NOX1: variants seen among roughly 807,000 people sequenced by gnomAD.
The protein encoded by NOX1 is NADH/NADPH mitogenic oxidase subunit P65-MOX.
In NOX1, 34 loss-of-function variants were observed where a neutral mutation model predicts 42.5. The ratio of observed to expected loss-of-function variants is 0.80; its 90% CI spans 0.61 to 1.07. NOX1 has a LOEUF of 1.07. NOX1 is among the 50% of genes least tolerant of loss of function. The probability of loss-of-function intolerance (pLI) is 0.00; values close to 1 mark genes in which losing one functional copy is unlikely to be tolerated. For synonymous variants in NOX1, 143 were observed against 152.5 expected, an observed-to-expected ratio of 0.94 and a Z score of 0.46; for missense variants, 408 against 427.0, an observed-to-expected ratio of 0.96 and a Z score of 0.39.
intron 12 of NOX1, among the ~76,000 whole-genome samples, chrX:100,844,400 A>G (rs2085058205): frequency 9.0e-6 from 1 of 111,185 alleles, no homozygotes; most frequent in African/African-American, 3.3e-5. Context: ...CATTTATCCC[A>G]CCTGTGGGAC....
intron 2 of NOX1, among the ~76,000 whole-genome samples, chrX:100,866,221 CA>C (rs34462542): frequency 0.016 from 1,162 of 72,658 alleles, 13 homozygotes; most frequent in African/African-American, 0.052. Context: ...GACTCCATCT[CA>C]AAAAAAAAAA....
At chrX:100,855,094 T>G (rs1261053821) in intron 7 of NOX1, among the ~76,000 whole-genome samples, 1 of 112,367 alleles carries the variant, frequency 8.9e-6, no homozygotes, top group African/African-American at 3.2e-5. Flanking sequence ...TAAAATAACC[T>G]GTTATACAAT....
intron 7 of NOX1, among the ~76,000 whole-genome samples, chrX:100,860,781 T>G (rs749042164): frequency 3.6e-5 from 4 of 111,858 alleles, no homozygotes; most frequent in African/African-American, 6.5e-5. Flanking sequence ...TTGTTTATTT[T>G]GACACAGGAT....
chrX:100,862,776 TG>T lies in NOX1; in HGVS notation c.381del (p.Ser127ArgfsTer29). On this transcript the variant is annotated frameshift_variant, in exon 5 of 13. Coordinates refer to ENST00000372966, the MANE Select transcript of NOX1 (RefSeq NM_007052.5). LOFTEE classifies it high-confidence loss of function. The part of the protein sequence containing the change: ...IAHLFNFDCY[S>X]RSRQATDGSL... Reference sequence around the variant, plus strand: ...GAGCCATCTGTGGCCTGTCGGCTTCTGCTATAGCAGTCAAAGTTAAACAGGT... The same window carrying T: ...GAGCCATCTGTGGCCTGTCGGCTTCTCTATAGCAGTCAAAGTTAAACAGGT... 1 of 1,198,628 alleles carries T rather than the reference TG, an allele frequency of 8.3e-7. No individual in the cohort carries two copies.
intron 11 of NOX1, among the ~76,000 whole-genome samples, 191 bp downstream of exon 11, chrX:100,849,089 A>G (rs1277337573): frequency 1.9e-5 from 1 of 51,428 alleles, no homozygotes; most frequent in Non-Finnish European, 3.3e-5. Flanking sequence ...AAAGAAAAAA[A>G]AAAGAAGAAA....
intron 7 of NOX1, among the ~76,000 whole-genome samples, chrX:100,854,013 C>T (rs1469500133): frequency 9.0e-5 from 10 of 111,082 alleles, no homozygotes; most frequent in East Asian, 2.9e-4. Context: ...CGTGGTGGTG[C>T]GCGCCTGTAG....
At chrX:100,865,161 T>A (rs962134812) in intron 2 of NOX1, among the ~76,000 whole-genome samples, 6 of 112,037 alleles carry the variant, frequency 5.4e-5, no homozygotes, top group African/African-American at 1.9e-4. Flanking sequence ...CTCTGCTGAC[T>A]CACACCCTGA....
At chrX:100,857,151 A>T (rs775600607) in intron 7 of NOX1, among the ~76,000 whole-genome samples, 6 of 111,989 alleles carry the variant, frequency 5.4e-5, no homozygotes, top group African/African-American at 6.5e-5. Context: ...CTGTTTCTAC[A>T]TTAGTTTGCT....
chrX:100,868,709 A>G (rs181132339), intron 2 of NOX1, among the ~76,000 whole-genome samples: 42 of 110,000 alleles, frequency 3.8e-4, no homozygotes, highest in African/African-American at 1.3e-3. Context: ...TTTCTTTTTT[A>G]CTTTCCTTTT....
intron 4 of NOX1, 142 bp downstream of exon 4, chrX:100,863,017 C>A: frequency 1.6e-6 from 1 of 610,671 alleles, no homozygotes; most frequent in East Asian, 3.3e-5. Context: ...AACTTAAGCT[C>A]CATGAAAACA....
chrX:100,867,318 CA>C (rs1183704354), intron 2 of NOX1, among the ~76,000 whole-genome samples: 1 of 112,103 alleles, frequency 8.9e-6, no homozygotes, highest in African/African-American at 3.2e-5. Flanking sequence ...CAGCGCCTGG[CA>C]AAAAAATGTT....
intron 1 of NOX1, among the ~76,000 whole-genome samples, chrX:100,872,427 C>A (rs1369290567): frequency 8.9e-6 from 1 of 111,804 alleles, no homozygotes; most frequent in East Asian, 2.8e-4. Flanking sequence ...TCATTTCCTC[C>A]ACTATGAACG....
At chrX:100,869,515 T>A (rs1312481033) in intron 2 of NOX1, among the ~76,000 whole-genome samples, 3 of 110,781 alleles carry the variant, frequency 2.7e-5, no homozygotes, top group Non-Finnish European at 5.7e-5. Flanking sequence ...TGATTTTGTA[T>A]CCTGAGACTT....
intron 1 of NOX1, among the ~76,000 whole-genome samples, chrX:100,873,075 T>TCC (rs1161282566): frequency 7.3e-5 from 8 of 109,260 alleles, no homozygotes; most frequent in Non-Finnish European, 1.5e-4. Flanking sequence ...AAAAGAAGCA[T>TCC]CACACCTTCT....
rs781319621 is a variant in NOX1 at position 100,862,171 on chromosome X, C to T, written c.804G>A (p.Glu268=). 1.7e-4 allele frequency: 205 copies of T among 1,210,298 alleles called. No homozygotes were observed. The highest frequency in any genetic ancestry group is 2.2e-4 in the Non-Finnish European group (196 of 895,243). Residue 268 remains glutamate (E), a splice_region_variant and synonymous_variant, in exon 7 of 13, where the codon GAG becomes GAA. Coordinates refer to ENST00000372966, the MANE Select transcript of NOX1 (RefSeq NM_007052.5). Reference sequence around the variant, plus strand: ...CTGTCCTTGCCCGTAGGGCTCTTACCTCAGGGGGATGCCCTTCAAACTTAG... The same window carrying T: ...CTGTCCTTGCCCGTAGGGCTCTTACTTCAGGGGGATGCCCTTCAAACTTAG... ...RRPKFEGHPP[E]SWKWILAPVI...
chrX:100,845,850 C>G (rs1170037616), intron 12 of NOX1, among the ~76,000 whole-genome samples: 1 of 106,141 alleles, frequency 9.4e-6, no homozygotes, highest in African/African-American at 3.5e-5. Context: ...GTGGCACGAT[C>G]TTGGCTCACT....
chrX:100,871,595 T>G (rs1295581365), intron 1 of NOX1, among the ~76,000 whole-genome samples: 1 of 112,276 alleles, frequency 8.9e-6, no homozygotes, highest in Non-Finnish European at 1.9e-5. Flanking sequence ...TTAAGACTGC[T>G]TTTGCCTGTT....
chrX:100,864,542 A>C (rs745747833), intron 2 of NOX1, among the ~76,000 whole-genome samples: 2 of 112,021 alleles, frequency 1.8e-5, no homozygotes, highest in South Asian at 7.5e-4. Flanking sequence ...AGAAGGGAGA[A>C]CTTCAGAGGA....
chrX:100,851,828 C>T (rs1220389227), intron 7 of NOX1, among the ~76,000 whole-genome samples: 2 of 111,301 alleles, frequency 1.8e-5, no homozygotes, highest in Middle Eastern at 4.2e-3. Flanking sequence ...GCATAAGAAT[C>T]GCTTGAACCC....
Sources: allele counts gnomAD v4.1 joint callset (sites outside exome capture counted in the v4.1 genomes callset), GRCh38; gene constraint gnomAD v4.1.1; transcripts MANE v1.5; gene names NCBI Gene and HGNC (gene_info 2026-07-23, HGNC 2026-07-21).